Variants in TMEM38B observed in about 807,000 individuals in gnomAD.
TMEM38B encodes the protein transmembrane protein 38B.
In TMEM38B, 24 loss-of-function variants were observed where a neutral mutation model predicts 28.7. The observed-to-expected ratio is 0.84, with a 90% CI of 0.61 to 1.18. The LOEUF is 1.18. TMEM38B is among the 50% of genes most tolerant of loss of function. TMEM38B has a pLI of 0.00. For synonymous variants in TMEM38B, 131 were observed against 127.7 expected (o/e 1.03, Z -0.17); for missense variants, 380 against 350.9 (o/e 1.08, Z -0.66).
intron 5 of TMEM38B, among the ~76,000 whole-genome samples, chr9:105,767,555 T>G (rs771592586): frequency 1.4e-4 from 22 of 152,234 alleles, no homozygotes; most frequent in Non-Finnish European, 3.1e-4. Flanking sequence ...AAAGATTTAG[T>G]CTGTTGATCT....
intron 5 of TMEM38B, among the ~76,000 whole-genome samples, chr9:105,751,940 CAG>C (rs903468105): frequency 4.6e-5 from 7 of 152,168 alleles, no homozygotes; most frequent in Non-Finnish European, 7.3e-5. Context: ...ACGTAGCTCT[CAG>C]GGGGAGGAGT....
At chr9:105,731,889 T>G (rs1836762941) in intron 4 of TMEM38B, among the ~76,000 whole-genome samples, 1 of 152,208 alleles carries the variant, frequency 6.6e-6, no homozygotes, top group East Asian at 1.9e-4. Context: ...CACACTGTCT[T>G]CCACAATGGT....
intron 5 of TMEM38B, among the ~76,000 whole-genome samples, chr9:105,755,047 G>A (rs552019629): frequency 2.0e-5 from 3 of 152,194 alleles, no homozygotes; most frequent in Non-Finnish European, 2.9e-5. Context: ...AGAAGAAATG[G>A]ATAAGTTCCT....
At chr9:105,723,514 C>A (rs145714391) in intron 4 of TMEM38B, among the ~76,000 whole-genome samples, 1 of 151,820 alleles carries the variant, frequency 6.6e-6, no homozygotes, top group South Asian at 2.1e-4. Flanking sequence ...ACCTCAGCCT[C>A]CTGAGTAGTT....
chr9:105,764,555 G>A (rs10816321), intron 5 of TMEM38B, among the ~76,000 whole-genome samples: 3,587 of 151,466 alleles, frequency 0.024, 53 homozygotes, highest in South Asian at 0.033. Context: ...AAGGAGAACT[G>A]CAAACCACTG....
chr9:105,705,819 G>A (rs1235843133), intron 2 of TMEM38B, 66 bp downstream of exon 2: 4 of 1,479,258 alleles, frequency 2.7e-6, no homozygotes, highest in Non-Finnish European at 3.6e-6. Context: ...TTAGTAAAAT[G>A]AATTTTTTTT....
At chr9:105,759,277 T>C in intron 5 of TMEM38B, 1 of 742,186 alleles carries the variant, frequency 1.3e-6, no homozygotes, top group East Asian at 2.5e-5. Flanking sequence ...TCCAGTGGGA[T>C]ACATAGAATC....
chr9:105,709,229 T>C (rs1489009896), intron 2 of TMEM38B, among the ~76,000 whole-genome samples: 4 of 152,164 alleles, frequency 2.6e-5, no homozygotes, highest in African/African-American at 9.6e-5. Flanking sequence ...TTTCCTAGTA[T>C]GTGTTTGGTG....
At chr9:105,748,306 G>A (rs1296728937) in intron 5 of TMEM38B, 116 bp downstream of exon 5, 7 of 716,144 alleles carry the variant, frequency 9.8e-6, no homozygotes, top group Non-Finnish European at 1.1e-5. Flanking sequence ...TTATCTAAGA[G>A]GAATAATTTG....
intron 4 of TMEM38B, among the ~76,000 whole-genome samples, chr9:105,724,483 C>T (rs1018625603): frequency 6.6e-6 from 1 of 151,842 alleles, no homozygotes; most frequent in Non-Finnish European, 1.5e-5. Flanking sequence ...ACTAACTGGG[C>T]GTGATGGCAT....
chr9:105,774,131 G>A lies in TMEM38B; in HGVS notation c.*51G>A. 6.9e-7 allele frequency: 1 copy of A among 1,453,172 alleles called. No homozygotes were observed. The highest frequency in any genetic ancestry group is 9.4e-7 in the Non-Finnish European group (1 of 1,058,340). 90.0% of individuals were successfully genotyped at this position (1,453,172 alleles called of 1,614,324 possible). On this transcript the variant is annotated 3_prime_UTR_variant, in exon 6 of 6. Transcript: ENST00000374692. The stretch of plus-strand genomic sequence containing the variant: ...CAAAAATTTTTTTTCTTATCTACCT[G>A]TTATATTGTGCTAATTTTTCTATGT...
intron 1 of TMEM38B, among the ~76,000 whole-genome samples, chr9:105,696,241 T>G (rs753822269): frequency 1.3e-5 from 2 of 152,184 alleles, no homozygotes; most frequent in African/African-American, 2.4e-5. Context: ...TCACTAAATG[T>G]TTTTTGTTTT....
At chr9:105,746,412 T>G (rs1048048545) in intron 4 of TMEM38B, among the ~76,000 whole-genome samples, 6 of 152,220 alleles carry the variant, frequency 3.9e-5, no homozygotes, top group Non-Finnish European at 5.9e-5. Flanking sequence ...GCTCGTGATT[T>G]TTGCACATTG....
chr9:105,725,976 C>T (rs913654902), intron 4 of TMEM38B, among the ~76,000 whole-genome samples: 2 of 151,516 alleles, frequency 1.3e-5, no homozygotes, highest in Non-Finnish European at 2.9e-5. Context: ...AAAAAATTTC[C>T]CTTTACTTAT....
At chr9:105,761,641 G>A (rs1838056255) in intron 5 of TMEM38B, among the ~76,000 whole-genome samples, 2 of 152,118 alleles carry the variant, frequency 1.3e-5, no homozygotes, top group African/African-American at 4.8e-5. Context: ...TTCAGCCTAA[G>A]ACTGACTTCT....
intron 2 of TMEM38B, among the ~76,000 whole-genome samples, chr9:105,711,707 C>G (rs1835910299): frequency 6.6e-6 from 1 of 151,342 alleles, no homozygotes; most frequent in Non-Finnish European, 1.5e-5. Flanking sequence ...GTAGTCCCAG[C>G]TATTTGGAAG....
At chr9:105,772,027 G>A (rs193201737) in intron 5 of TMEM38B, among the ~76,000 whole-genome samples, 389 of 152,294 alleles carry the variant, frequency 2.6e-3, no homozygotes, top group Non-Finnish European at 4.7e-3. Flanking sequence ...GTGCTGTATT[G>A]TACTTCAGTT....
At chr9:105,747,969 C>G (rs1165446799) in intron 4 of TMEM38B, 104 bp from the exon 5 acceptor site, 3 of 713,512 alleles carry the variant, frequency 4.2e-6, no homozygotes, top group East Asian at 2.6e-5. Context: ...TGCATTACAT[C>G]TATTAATAAC....
intron 4 of TMEM38B, among the ~76,000 whole-genome samples, chr9:105,739,519 T>C (rs191942414): frequency 1.3e-5 from 2 of 152,262 alleles, no homozygotes; most frequent in African/African-American, 4.8e-5. Flanking sequence ...CTTATAACAA[T>C]ATTAAGTGTT....
Sources: gnomAD v4.1 joint callset for allele counts (sites outside exome capture counted in the v4.1 genomes callset) on GRCh38, gnomAD v4.1.1 for gene constraint, MANE v1.5 for transcripts, NCBI Gene and HGNC (gene_info 2026-07-23, HGNC 2026-07-21) for gene names.